Variants in PTPRG observed in about 807,000 individuals in gnomAD.
PTPRG encodes receptor-type tyrosine-protein phosphatase gamma.
PTPRG carries 102 observed loss-of-function variants against 165.3 expected under a neutral mutation model. The observed-to-expected ratio is 0.62, with a 90% confidence interval of 0.53 to 0.73. The LOEUF (loss-of-function observed/expected upper bound fraction) is 0.73, where lower values mean the gene tolerates loss of function less well. Ranked by LOEUF, PTPRG falls within the 30% of genes least tolerant of loss-of-function variation. The probability of loss-of-function intolerance (pLI) is 0.00; values close to 1 mark genes in which losing one functional copy is unlikely to be tolerated. For synonymous variants in PTPRG, 675 were observed against 669.5 expected, an observed-to-expected ratio of 1.01 and a Z score of -0.13; for missense variants, 1,866 against 1,861.4, an observed-to-expected ratio of 1.00 and a Z score of -0.05.
At chr3:62,280,092 A>C (rs1384296367) in intron 26 of PTPRG, among the ~76,000 whole-genome samples, 1 of 152,072 alleles carries the variant, frequency 6.6e-6, no homozygotes, top group East Asian at 1.9e-4. Context: ...ATGGATGAAC[A>C]TTTAAAGCTT....
At chr3:61,612,936 G>A (rs1020022018) in intron 1 of PTPRG, among the ~76,000 whole-genome samples, 1 of 151,936 alleles carries the variant, frequency 6.6e-6, no homozygotes, top group Non-Finnish European at 1.5e-5. Context: ...TGAACCAGAG[G>A]ATGACAAAGG....
intron 2 of PTPRG, among the ~76,000 whole-genome samples, chr3:61,816,306 G>C (rs919235608): frequency 6.6e-6 from 1 of 152,194 alleles, no homozygotes; most frequent in African/African-American, 2.4e-5. Flanking sequence ...GAGGCGGGCA[G>C]ATCACTTGAG....
intron 27 of PTPRG, among the ~76,000 whole-genome samples, chr3:62,282,276 C>T (rs1238295591): frequency 6.6e-6 from 1 of 152,024 alleles, no homozygotes; most frequent in Non-Finnish European, 1.5e-5. Context: ...AGGTCTCACT[C>T]ACAGTGGCAT....
chr3:61,579,629 C>G (rs1265132717), intron 1 of PTPRG, among the ~76,000 whole-genome samples: 1 of 152,238 alleles, frequency 6.6e-6, no homozygotes, highest in Non-Finnish European at 1.5e-5. Flanking sequence ...GCTTCTGACT[C>G]CAAAGCCAGT....
Position 61,804,760 on chromosome 3 carries a change from G to A in PTPRG, c.190+55778G>A, listed in dbSNP as rs1346447261. Among the ~76,000 whole-genome samples the A allele has an allele frequency of 4.0e-5, 6 of 151,650 alleles. No individual in the cohort carries two copies. The South Asian group carries it at 8.3e-4, about 21-fold the overall frequency. ...TTATAAACATTAAACAAAAGTTCAC[G>A]TTTCTGTTTCTTTGTGCCCCCGGTC... On this transcript the variant is annotated intron_variant, in intron 2 of 29. Transcript: ENST00000474889.
intron 6 of PTPRG, among the ~76,000 whole-genome samples, chr3:62,140,454 C>T (rs1703881826): frequency 6.6e-6 from 1 of 152,136 alleles, no homozygotes; most frequent in South Asian, 2.1e-4. Context: ...TATAGATTTA[C>T]ACAAAAGCAA....
chr3:61,584,728 T>G (rs1485852064), intron 1 of PTPRG, among the ~76,000 whole-genome samples: 1 of 152,138 alleles, frequency 6.6e-6, no homozygotes, highest in African/African-American at 2.4e-5. Flanking sequence ...ATCATTTTTG[T>G]GTTTTGTAGG....
intron 4 of PTPRG, among the ~76,000 whole-genome samples, chr3:62,011,825 G>A (rs539383220): frequency 6.6e-6 from 1 of 152,334 alleles, no homozygotes; most frequent in Non-Finnish European, 1.5e-5. Context: ...ATGTCTGGCA[G>A]TCCTCATCGC....
chr3:62,147,959 C>T (rs980089977), intron 6 of PTPRG, among the ~76,000 whole-genome samples: 1 of 152,046 alleles, frequency 6.6e-6, no homozygotes, highest in East Asian at 1.9e-4. Flanking sequence ...GCCTGGCTAA[C>T]ATGGTGAAAC....
chr3:62,267,474 T>C lies in PTPRG; in HGVS notation c.2721T>C (p.Ile907=), dbSNP rs1212331392. ...AAGACTCTAAGCACAGCGACTACATTAATGCAAACTATGTTGATGTAAGTC... is the reference window on the plus strand; with the variant it reads ...AAGACTCTAAGCACAGCGACTACATCAATGCAAACTATGTTGATGTAAGTC... ...PGKDSKHSDY[I]NANYVDGYNK... Residue 907 remains isoleucine (I), a synonymous_variant, in exon 18 of 30, where the codon ATT becomes ATC. Transcript: ENST00000474889. 6.2e-7 allele frequency: 1 copy of C among 1,610,754 alleles called. No individual in the cohort carries two copies. The highest frequency in any genetic ancestry group is 1.7e-5 in the Admixed American group (1 of 59,928).
At chr3:61,805,378 A>G (rs981355154) in intron 2 of PTPRG, among the ~76,000 whole-genome samples, 1 of 152,174 alleles carries the variant, frequency 6.6e-6, no homozygotes, top group African/African-American at 2.4e-5. Context: ...GATGTTTTCT[A>G]GGCTTAAACA....
At chr3:61,672,785 G>A (rs1703076437) in intron 1 of PTPRG, among the ~76,000 whole-genome samples, 2 of 147,106 alleles carry the variant, frequency 1.4e-5, no homozygotes, top group Admixed American at 6.7e-5. Flanking sequence ...GAGAGAGGGA[G>A]AGAGAGGGAG....
chr3:61,897,451 C>T (rs1286691079), intron 2 of PTPRG, among the ~76,000 whole-genome samples: 2 of 152,236 alleles, frequency 1.3e-5, no homozygotes, highest in South Asian at 2.1e-4. Flanking sequence ...ATTGATGTCC[C>T]TATCTCTCCA....
At chr3:61,590,179 C>G (rs114303980) in intron 1 of PTPRG, among the ~76,000 whole-genome samples, 53 of 150,892 alleles carry the variant, frequency 3.5e-4, no homozygotes, top group African/African-American at 1.2e-3. Context: ...GCAGCATCTA[C>G]TCCTGGAGTA....
At chr3:61,901,187 T>C (rs1044772725) in intron 2 of PTPRG, among the ~76,000 whole-genome samples, 4 of 152,302 alleles carry the variant, frequency 2.6e-5, no homozygotes, top group Non-Finnish European at 4.4e-5. Flanking sequence ...ATGGCTTATG[T>C]TTTGTTGGGT....
In PTPRG at chr3:61,643,277, A is replaced by G. The variant is rs79341538; in HGVS notation, c.85+80905A>G. On this transcript the variant is annotated intron_variant, in intron 1 of 29. Transcript: ENST00000474889. ...CCATCTGGGGAGAGAGAGAGAGAGA[A>G]AGAGAGAGAGAGAGAGACAGAGACA... 2.0e-3 allele frequency among the ~76,000 whole-genome samples: 305 copies of G among 149,824 alleles called. 1 individual carries two copies. Among genetic ancestry groups the G allele is most frequent in the East Asian group, 3.3e-3 (17 of 5,090 alleles).
intron 4 of PTPRG, among the ~76,000 whole-genome samples, chr3:62,047,922 C>T (rs1464654520): frequency 1.3e-5 from 2 of 152,110 alleles, no homozygotes; most frequent in Non-Finnish European, 1.5e-5. Context: ...TATTTAGCTC[C>T]AGTCTGCAGT....
At chr3:61,588,012 C>T (rs539778567) in intron 1 of PTPRG, among the ~76,000 whole-genome samples, 3 of 151,752 alleles carry the variant, frequency 2.0e-5, no homozygotes, top group Non-Finnish European at 4.4e-5. Flanking sequence ...CCATGATCAC[C>T]GTGTTACATT....
At chr3:61,761,381 A>T (rs926367167) in intron 2 of PTPRG, among the ~76,000 whole-genome samples, 1 of 152,188 alleles carries the variant, frequency 6.6e-6, no homozygotes, top group African/African-American at 2.4e-5. Context: ...GTTCAAAACA[A>T]GCCTGGCCAA....
Sources: allele counts gnomAD v4.1 joint callset (sites outside exome capture counted in the v4.1 genomes callset), GRCh38; gene constraint gnomAD v4.1.1; transcripts MANE v1.5; gene names NCBI Gene and HGNC (gene_info 2026-07-23, HGNC 2026-07-21).